Variants in DNAH12 observed in about 807,000 individuals in gnomAD.
The protein encoded by DNAH12 is axonemal beta dynein heavy chain 12.
DNAH12 carries 285 observed loss-of-function variants against 371.5 expected under a neutral mutation model. The ratio of observed to expected loss-of-function variants is 0.77; its 90% confidence interval spans 0.70 to 0.85. DNAH12 has a LOEUF of 0.85. DNAH12 is among the 40% of genes least tolerant of loss of function. DNAH12 has a pLI of 0.00. For missense variants in DNAH12, 3,611 were observed against 3,689.4 expected, an observed-to-expected ratio of 0.98 and a Z score of 0.55; for synonymous variants, 1,200 against 1,213.0, an observed-to-expected ratio of 0.99 and a Z score of 0.22.
chr3:57,503,140 C>T (rs1431751016), intron 9 of DNAH12, among the ~76,000 whole-genome samples: 1 of 152,164 alleles, frequency 6.6e-6, no homozygotes, highest in Non-Finnish European at 1.5e-5. Context: ...ATTGTCCCAG[C>T]TACTTGGGAA....
chr3:57,548,638 C>T (rs566043449), upstream of DNAH12, among the ~76,000 whole-genome samples: 183 of 152,074 alleles, frequency 1.2e-3, no homozygotes, highest in Middle Eastern at 0.01. Context: ...CCTAGGAGGT[C>T]GAGGCTGCAG....
rs2062820113 is a variant in DNAH12, at chr3:57,357,197, T to C, written c.9512A>G (p.Tyr3171Cys). ...QYSLTWFVNL[Y>C]INSIHDSNKS... ...TTACCTGTCATGAATAGAGTTGATA[T>C]AAAGGTTCACAAACCACGTGAGAGA... The change falls in exon 59 of 74, where the codon TAT becomes TGT. Residue 3171 changes from tyrosine (Y) to cysteine (C), a missense_variant. By Grantham distance (194) the Tyr-to-Cys change is radical. Coordinates refer to ENST00000495027, the MANE Select transcript of DNAH12 (RefSeq NM_001366028.2). 1.3e-5 allele frequency: 2 copies of C among 152,172 alleles called. No homozygotes were observed. Among genetic ancestry groups the C allele is most frequent in the African/African-American group, 2.4e-5 (1 of 41,438 alleles). 9.4% of individuals were successfully genotyped at this position (152,172 alleles called of 1,614,324 possible).
chr3:57,373,801 ATAT>A (rs1341347396), intron 55 of DNAH12, among the ~76,000 whole-genome samples: 9 of 152,238 alleles, frequency 5.9e-5, no homozygotes, highest in African/African-American at 2.2e-4. Flanking sequence ...TTTTCAGATT[ATAT>A]TAAATTTTGC....
chr3:57,398,175 T>C (rs1278585153), intron 43 of DNAH12, among the ~76,000 whole-genome samples: 2 of 152,112 alleles, frequency 1.3e-5, no homozygotes, highest in Non-Finnish European at 2.9e-5. Flanking sequence ...TTAGACTTGA[T>C]TGGGCAGAAT....
chr3:57,526,802 C>T (rs1421659944), intron 2 of DNAH12, among the ~76,000 whole-genome samples: 1 of 151,812 alleles, frequency 6.6e-6, no homozygotes, highest in Non-Finnish European at 1.5e-5. Context: ...GGATTATAGG[C>T]GTGAGCACTG....
intron 62 of DNAH12, among the ~76,000 whole-genome samples, chr3:57,329,607 C>A (rs1229460270): frequency 1.4e-5 from 2 of 146,948 alleles, no homozygotes; most frequent in African/African-American, 5.1e-5. Context: ...ACCATAAAAA[C>A]CCTAGAAGAA....
At chr3:57,476,409 C>G (rs1368418866) in intron 13 of DNAH12, among the ~76,000 whole-genome samples, 1 of 151,788 alleles carries the variant, frequency 6.6e-6, no homozygotes, top group African/African-American at 2.4e-5. Flanking sequence ...ACTAAAAATA[C>G]AAAAATTAGC....
At chr3:57,379,893 G>A in intron 51 of DNAH12, among the ~76,000 whole-genome samples, 1 of 139,448 alleles carries the variant, frequency 7.2e-6, no homozygotes, top group Admixed American at 7.2e-5. Context: ...AGAACAAATG[G>A]AAACAATGGA....
intron 11 of DNAH12, among the ~76,000 whole-genome samples, chr3:57,497,676 C>A (rs1232797107): frequency 6.6e-6 from 1 of 152,100 alleles, no homozygotes; most frequent in Non-Finnish European, 1.5e-5. Context: ...CTAAGAAAAG[C>A]TTCCAGAGTA....
intron 59 of DNAH12, among the ~76,000 whole-genome samples, chr3:57,354,374 AAAAAACTACCTATT>A (rs1246460428): frequency 2.0e-5 from 3 of 152,092 alleles, no homozygotes; most frequent in Admixed American, 6.5e-5. Context: ...GGTGAGGTTC[AAAAAACTACCTATT>A]GGGTACCATG....
chr3:57,340,797 C>T (rs972719445), intron 60 of DNAH12, among the ~76,000 whole-genome samples: 2 of 152,162 alleles, frequency 1.3e-5, no homozygotes, highest in African/African-American at 4.8e-5. Flanking sequence ...TTCTTCCAAA[C>T]CCATTTTACA....
rs553637674 is a variant in DNAH12 at position 57,472,473 on chromosome 3, A to T, written c.1776+73T>A. 2.4e-5 allele frequency: 36 copies of T among 1,497,348 alleles called. 1 individual carries two copies. In the South Asian group the frequency reaches 4.3e-4, roughly 18 times the overall value. 92.8% of individuals were successfully genotyped at this position (1,497,348 alleles called of 1,614,324 possible). Reference sequence around the variant, plus strand: ...ACTTTTAAAGTTAGATGGCCAGGAGATATGAAAATTAAATGTGAATGATGT... The same window carrying T: ...ACTTTTAAAGTTAGATGGCCAGGAGTTATGAAAATTAAATGTGAATGATGT... On this transcript the variant is annotated intron_variant, in intron 14 of 73. Transcript: ENST00000495027.
intron 2 of DNAH12, among the ~76,000 whole-genome samples, chr3:57,537,010 T>C (rs2069073119): frequency 1.3e-5 from 1 of 79,116 alleles, no homozygotes; most frequent in Non-Finnish European, 3.1e-5. Context: ...CTGGGCAATA[T>C]GGTGAGACCT....
chr3:57,468,749 A>C lies in DNAH12; in HGVS notation c.2336T>G (p.Ile779Arg). ...ITMCSTVMEQIKAFKEYIPTV... is the reference protein window; with the variant it reads ...ITMCSTVMEQRKAFKEYIPTV... ...ATATATTTATACCTTAAAAGCTTTTATCTGTTCCATGACTGTACTGCACAT... is the reference window on the plus strand; with the variant it reads ...ATATATTTATACCTTAAAAGCTTTTCTCTGTTCCATGACTGTACTGCACAT... The change falls in exon 17 of 74, where the codon ATA (isoleucine) becomes AGA (arginine). Residue 779 changes from isoleucine to arginine, a missense_variant. By Grantham distance (97) the Ile-to-Arg change is moderately conservative. Coordinates refer to ENST00000495027, the MANE Select transcript of DNAH12 (RefSeq NM_001366028.2). 6.9e-7 allele frequency: 1 copy of C among 1,444,792 alleles called. No individual in the cohort carries two copies. The highest frequency in any genetic ancestry group is 9.1e-7 in the Non-Finnish European group (1 of 1,104,424). The allele number at this position is 1,444,792 out of a possible 1,614,324, so 89.5% of individuals were successfully genotyped here. A position where few individuals can be genotyped will look rare whatever the true frequency, so the allele number is the denominator to read the frequency against.
intron 48 of DNAH12, 132 bp from the exon 49 acceptor site, chr3:57,385,137 G>A (rs1331760193): frequency 1.3e-5 from 2 of 151,528 alleles, no homozygotes; most frequent in African/African-American, 4.9e-5. Flanking sequence ...AATAAAATGA[G>A]GATATACAAA....
rs150649481 is a variant in DNAH12 at position 57,347,572 on chromosome 3, C to T, written c.9674+4513G>A. On this transcript the variant is annotated intron_variant, in intron 60 of 73. Coordinates refer to ENST00000495027, the MANE Select transcript of DNAH12 (RefSeq NM_001366028.2). ...CTCAATGAAAAATACAAAAATTAGCCGGGCTTGGTGGCAGGTGCCTGTAAT... is the reference window on the plus strand; with the variant it reads ...CTCAATGAAAAATACAAAAATTAGCTGGGCTTGGTGGCAGGTGCCTGTAAT... Among the ~76,000 whole-genome samples the T allele has an allele frequency of 3.0e-3, 450 of 151,882 alleles. 1 individual carries two copies. Among genetic ancestry groups the T allele is most frequent in the Middle Eastern group, 0.01 (3 of 294 alleles).
chr3:57,314,454 T>C (rs1206336633), intron 66 of DNAH12, 40 bp downstream of exon 66: 2 of 1,549,986 alleles, frequency 1.3e-6, no homozygotes, highest in East Asian at 2.4e-5. Context: ...GCCTGATAAA[T>C]AGTGATCCTT....
At chr3:57,313,256 T>TGG (rs2061616494) in intron 66 of DNAH12, among the ~76,000 whole-genome samples, 1 of 152,132 alleles carries the variant, frequency 6.6e-6, no homozygotes, top group East Asian at 1.9e-4. Context: ...CCACCTATGG[T>TGG]GGCTCATGCC....
chr3:57,537,660 G>A (rs190952896), intron 2 of DNAH12, among the ~76,000 whole-genome samples: 170 of 151,434 alleles, frequency 1.1e-3, no homozygotes, highest in South Asian at 7.1e-3. Context: ...AATTTTATCA[G>A]GTATTTTTTA....
Sources: gnomAD v4.1 joint callset for allele counts (sites outside exome capture counted in the v4.1 genomes callset) on GRCh38, gnomAD v4.1.1 for gene constraint, MANE v1.5 for transcripts, NCBI Gene and HGNC (gene_info 2026-07-23, HGNC 2026-07-21) for gene names.